The following CHERP variants were observed in gnomAD, a reference collection of about 807,000 sequenced individuals.
CHERP encodes calcium homeostasis endoplasmic reticulum protein, also known as ERPROT 213-21.
A neutral mutation model predicts 113.8 loss-of-function variants in CHERP; 8 were observed. The ratio of observed to expected loss-of-function variants is 0.07; its 90% CI spans 0.04 to 0.13. CHERP has a LOEUF of 0.13. CHERP is among the 10% of genes least tolerant of loss of function. The pLI is 1.00. For missense variants in CHERP, 884 were observed against 1,298.2 expected (o/e 0.68, Z 4.90); for synonymous variants, 559 against 524.5 (o/e 1.07, Z -0.90).
chr19:16,524,772 T>TC (rs1424876206), intron 10 of CHERP, among the ~76,000 whole-genome samples: 3 of 151,466 alleles, frequency 2.0e-5, no homozygotes, highest in Non-Finnish European at 4.4e-5. Flanking sequence ...GTTTTTTGTT[T>TC]TTTTTTTTTG....
chr19:16,524,717 A>G (rs2085644839), intron 10 of CHERP, among the ~76,000 whole-genome samples: 2 of 151,908 alleles, frequency 1.3e-5, no homozygotes. Flanking sequence ...GCAAGACCCC[A>G]TCTCTATTTA....
Position 16,530,444 on chromosome 19 carries a change from C to G in CHERP, c.876+141G>C, listed in dbSNP as rs1245571960. 1.2e-5 allele frequency: 9 copies of G among 759,988 alleles called. No individual in the cohort carries two copies. Among genetic ancestry groups the G allele is most frequent in the Non-Finnish European group, 2.3e-6 (1 of 443,604 alleles). The allele number at this position is 759,988 out of a possible 1,614,324, so 47.1% of individuals were successfully genotyped here. A position where few individuals can be genotyped will look rare whatever the true frequency, so the allele number is the denominator to read the frequency against. On this transcript the variant is annotated intron_variant, in intron 7 of 16. Coordinates refer to ENST00000546361, the MANE Select transcript of CHERP (RefSeq NM_006387.6). This position sits in a 1 kb window ranked among gnomAD's most constrained non-coding sequence, Gnocchi z 4.1. ...GTCACCTGGGACTCTCTGGTCAACACACACTGGCTACTCCTAGCACAGGCA... is the reference window on the plus strand; with the variant it reads ...GTCACCTGGGACTCTCTGGTCAACAGACACTGGCTACTCCTAGCACAGGCA...
Position 16,530,535 on chromosome 19 carries a change from G to T in CHERP, c.876+50C>A. ...TCCCCACACTCCCAAACCCTCCTGG[G>T]GAACCCGCCCCAGCTCTAGGGTGAG... On this transcript the variant is annotated intron_variant, in intron 7 of 16. Coordinates refer to ENST00000546361, the MANE Select transcript of CHERP (RefSeq NM_006387.6). This position sits in a 1 kb window ranked among gnomAD's most constrained non-coding sequence, Gnocchi z 4.1. The T allele has an allele frequency of 6.3e-7, 1 of 1,576,216 alleles. No individual in the cohort carries two copies. The highest frequency in any genetic ancestry group is 8.7e-7 in the Non-Finnish European group (1 of 1,146,434).
At position 16,532,380 on chromosome 19, in the gene CHERP, G is replaced by A; in HGVS notation, c.674+218C>T. 1 of 571,084 alleles carries A rather than the reference G, an allele frequency of 1.8e-6. No homozygotes were observed. Among genetic ancestry groups the A allele is most frequent in the South Asian group, 2.3e-5 (1 of 44,310 alleles). 35.4% of individuals were successfully genotyped at this position (571,084 alleles called of 1,614,324 possible). The stretch of plus-strand genomic sequence containing the variant: ...AGGCCGGGGTCTAGGGGAGAGGACA[G>A]GGCATGCAGCGAAGGTGCACAGGAC... On this transcript the variant is annotated intron_variant, in intron 5 of 16. Coordinates refer to ENST00000546361, the MANE Select transcript of CHERP (RefSeq NM_006387.6). The surrounding 1 kb of genome is among the most constrained non-coding windows in gnomAD (Gnocchi z 4.4).
intron 3 of CHERP, among the ~76,000 whole-genome samples, chr19:16,534,491 T>G (rs2085728348): frequency 6.6e-6 from 1 of 152,146 alleles, no homozygotes; most frequent in Non-Finnish European, 1.5e-5. Context: ...TATTTATTTT[T>G]TCTGAGACTG....
intron 3 of CHERP, among the ~76,000 whole-genome samples, chr19:16,534,066 T>C (rs1259851532): frequency 6.6e-6 from 1 of 151,518 alleles, no homozygotes; most frequent in Non-Finnish European, 1.5e-5. Flanking sequence ...TCTTTTTTTT[T>C]TTTTTGAGAT....
Position 16,529,654 on chromosome 19 carries a change from G to T in CHERP, c.1123C>A (p.Gln375Lys). 1 of 1,544,034 alleles carries T rather than the reference G, an allele frequency of 6.5e-7. No homozygotes were observed. Among genetic ancestry groups the T allele is most frequent in the Non-Finnish European group, 8.7e-7 (1 of 1,148,966 alleles). ...AGCTGAGGGAGCCCCGTACCAGGCT[G>T]GGTGGTGGGCGGGATGGCAGGGGCA... ...APAPAIPPTT[Q>K]PDDSKPPIQM... The change falls in exon 8 of 17, where the codon CAG (glutamine) becomes AAG (lysine). Residue 375 changes from glutamine to lysine, a missense_variant. This residue lies in a region of CHERP where 464 missense variants were observed against 590.1 expected (regional missense o/e 0.79). Coordinates refer to ENST00000546361, the MANE Select transcript of CHERP (RefSeq NM_006387.6).
At chr19:16,521,364 G>A in intron 12 of CHERP, 157 bp downstream of exon 12, 2 of 642,156 alleles carry the variant, frequency 3.1e-6, no homozygotes, top group South Asian at 4.3e-5. Context: ...CCACGTGTGT[G>A]CTGTGCCTGT....
At chr19:16,542,187 G>A (rs1568266404) in intron 1 of CHERP, 144 bp from the exon 2 acceptor site, 1 of 1,089,166 alleles carries the variant, frequency 9.2e-7, no homozygotes, top group Non-Finnish European at 1.3e-6. Context: ...GGTCCCGATA[G>A]GGGCCACACG....
chr19:16,528,354 G>GC, intron 8 of CHERP, 99 bp from the exon 9 acceptor site: 2 of 1,198,648 alleles, frequency 1.7e-6, no homozygotes, highest in South Asian at 3.0e-5. Context: ...CGCTTTTAGT[G>GC]CCCAGTGGAT....
chr19:16,533,158 G>A lies in CHERP; in HGVS notation c.385-10C>T, dbSNP rs1476033697. ...CCGCTGTCACTTGCTCCTGCGGGCG[G>A]GGGTCGGTGGGGTCGAGAACACATG... On this transcript the variant is annotated splice_polypyrimidine_tract_variant and intron_variant, in intron 3 of 16. Coordinates refer to ENST00000546361, the MANE Select transcript of CHERP (RefSeq NM_006387.6). 4.5e-6 allele frequency: 7 copies of A among 1,572,320 alleles called. No individual in the cohort carries two copies. The East Asian group carries it at 1.2e-4, about 26-fold the overall frequency.
Position 16,532,189 on chromosome 19 carries a change from G to A in CHERP, c.674+409C>T, listed in dbSNP as rs1238376796. 5.8e-6 allele frequency: 1 copy of A among 172,682 alleles called. No individual in the cohort carries two copies. The highest frequency in any genetic ancestry group is 1.2e-5 in the Non-Finnish European group (1 of 80,274). 10.7% of individuals were successfully genotyped at this position (172,682 alleles called of 1,614,324 possible). ...GGTCCTGATGGCTGAGCAAAGTCAG[G>A]TGACCGCGTGTGTGTGCGTGCAAAT... On this transcript the variant is annotated intron_variant, in intron 5 of 16. Transcript: ENST00000546361. The surrounding 1 kb of genome is among the most constrained non-coding windows in gnomAD (Gnocchi z 4.4).
intron 1 of CHERP, 96 bp from the exon 2 acceptor site, chr19:16,542,139 C>G: frequency 7.1e-7 from 1 of 1,404,530 alleles, no homozygotes; most frequent in Non-Finnish European, 9.5e-7. Context: ...TGCCGGGGAC[C>G]CCAAGGGGGT....
Position 16,524,023 on chromosome 19 carries a change from G to A in CHERP, c.1742-733C>T, listed in dbSNP as rs536074359. Among the ~76,000 whole-genome samples the A allele has an allele frequency of 3.9e-5, 6 of 152,264 alleles. No individual in the cohort carries two copies. In the East Asian group the frequency reaches 7.7e-4, roughly 20 times the overall value. On this transcript the variant is annotated intron_variant, in intron 10 of 16. Coordinates refer to ENST00000546361, the MANE Select transcript of CHERP (RefSeq NM_006387.6). ...TCTCAGCACTTTGGGAGGCCAAGGC[G>A]GGTAGATCACTTGAGGCCCAGAGTT...
chr19:16,520,663 G>A lies in CHERP; in HGVS notation c.2202-156C>T. ...ACGGTACCAAGTTCCTAAATAGTGTGGCCGAGCCTGCTGCTGTGTGAATTC... is the reference window on the plus strand; with the variant it reads ...ACGGTACCAAGTTCCTAAATAGTGTAGCCGAGCCTGCTGCTGTGTGAATTC... On this transcript the variant is annotated intron_variant, in intron 13 of 16. Transcript: ENST00000546361. This position sits in a 1 kb window ranked among gnomAD's most constrained non-coding sequence, Gnocchi z 4.0. 8.8e-7 allele frequency: 1 copy of A among 1,135,326 alleles called. No homozygotes were observed. The highest frequency in any genetic ancestry group is 1.3e-6 in the Non-Finnish European group (1 of 777,608). 70.3% of individuals were successfully genotyped at this position (1,135,326 alleles called of 1,614,324 possible). A position where few individuals can be genotyped will look rare whatever the true frequency, so the allele number is the denominator to read the frequency against.
intron 2 of CHERP, among the ~76,000 whole-genome samples, chr19:16,538,413 G>A (rs182467329): frequency 5.9e-5 from 9 of 152,272 alleles, no homozygotes; most frequent in Admixed American, 5.9e-4. Context: ...GGCTGGGTAC[G>A]ATGGCTCACG....
In CHERP at chr19:16,525,878, C is replaced by T. The variant is rs1489845076; in HGVS notation, c.1306-201G>A. 6.6e-6 allele frequency among the ~76,000 whole-genome samples: 1 copy of T among 152,202 alleles called. No individual in the cohort carries two copies. The highest frequency in any genetic ancestry group is 1.5e-5 in the Non-Finnish European group (1 of 68,020). On this transcript the variant is annotated intron_variant, in intron 9 of 16. Transcript: ENST00000546361. This position sits in a 1 kb window ranked among gnomAD's most constrained non-coding sequence, Gnocchi z 6.5. The stretch of plus-strand genomic sequence containing the variant: ...CGCACCACATGCTGCTGCAAAATGA[C>T]CAGACACCCAACCGCTGCACCCGCA...
chr19:16,541,837 G>C (rs1003820388), intron 2 of CHERP, 33 bp downstream of exon 2: 13 of 1,596,084 alleles, frequency 8.1e-6, no homozygotes, highest in Non-Finnish European at 1.1e-5. Context: ...GGAAGCGCTC[G>C]ATGGGACGGC....
chr19:16,537,677 T>C (rs185307959), intron 2 of CHERP, among the ~76,000 whole-genome samples: 12 of 152,018 alleles, frequency 7.9e-5, no homozygotes, highest in African/African-American at 2.9e-4. Context: ...CCAATCAGTC[T>C]ATGTCCCCGC....
Sources: allele counts gnomAD v4.1 joint callset (sites outside exome capture counted in the v4.1 genomes callset), GRCh38; gene constraint gnomAD v4.1.1; regional missense constraint gnomAD v4.1.1; non-coding constraint Gnocchi (gnomAD v3.1); transcripts MANE v1.5; gene names NCBI Gene and HGNC (gene_info 2026-07-23, HGNC 2026-07-21).